NALCN: variants seen among roughly 807,000 people sequenced by gnomAD.
NALCN encodes sodium leak channel NALCN.
A neutral mutation model predicts 225.3 loss-of-function variants in NALCN; 111 were observed. The ratio of observed to expected loss-of-function variants is 0.49; its 90% CI spans 0.42 to 0.58. The LOEUF (loss-of-function observed/expected upper bound fraction) is 0.58. Ranked by LOEUF, NALCN falls within the 20% of genes least tolerant of loss-of-function variation. NALCN has a pLI of 0.00. For missense variants in NALCN, 1,378 were observed against 2,202.4 expected (o/e 0.63, Z 7.49); for synonymous variants, 764 against 769.0 (o/e 0.99, Z 0.11).
chr13:101,272,896 C>T (rs1368493733), intron 10 of NALCN, among the ~76,000 whole-genome samples: 6 of 152,092 alleles, frequency 3.9e-5, no homozygotes. Context: ...ATCACACAGG[C>T]CACCTCCCCT....
At chr13:101,309,009 C>T (rs2044248190) in intron 7 of NALCN, among the ~76,000 whole-genome samples, 2 of 152,048 alleles carry the variant, frequency 1.3e-5, no homozygotes, top group Non-Finnish European at 1.5e-5. Flanking sequence ...TTGAAATGTT[C>T]AAAGGAGATA....
chr13:101,201,756 G>A (rs1344842240), intron 13 of NALCN, among the ~76,000 whole-genome samples: 1 of 151,842 alleles, frequency 6.6e-6, no homozygotes, highest in Non-Finnish European at 1.5e-5. Flanking sequence ...AATACAACTC[G>A]TATCATCCAC....
At chr13:101,208,234 C>T (rs866610627) in intron 13 of NALCN, among the ~76,000 whole-genome samples, 1 of 152,114 alleles carries the variant, frequency 6.6e-6, no homozygotes, top group Non-Finnish European at 1.5e-5. Context: ...CAAACAACTC[C>T]AGATGTGCCA....
intron 33 of NALCN, 62 bp from the exon 34 acceptor site, chr13:101,081,708 T>G: frequency 6.4e-7 from 1 of 1,573,078 alleles, no homozygotes; most frequent in Non-Finnish European, 8.7e-7. Context: ...TTAAATGTAT[T>G]AACTTGAGAT....
rs775073645 is a variant in NALCN at position 101,104,962 on chromosome 13, C to A, written c.2580-12G>T. The A allele has an allele frequency of 1.2e-6, 2 of 1,611,362 alleles. No individual in the cohort carries two copies. Among genetic ancestry groups the A allele is most frequent in the South Asian group, 2.2e-5 (2 of 90,890 alleles). On this transcript the variant is annotated splice_polypyrimidine_tract_variant and intron_variant, in intron 22 of 43. Coordinates refer to ENST00000251127, the MANE Select transcript of NALCN (RefSeq NM_052867.4). This position sits in a 1 kb window ranked among gnomAD's most constrained non-coding sequence, Gnocchi z 4.2. ...GGTCTGTTTTAGATCTGTAAGAGAA[C>A]ACATATATAAAATTCTGCAACAAAG...
At chr13:101,247,975 G>A (rs2041950764) in intron 11 of NALCN, among the ~76,000 whole-genome samples, 1 of 152,152 alleles carries the variant, frequency 6.6e-6, no homozygotes, top group Non-Finnish European at 1.5e-5. Flanking sequence ...ATCTATCCAT[G>A]TCCCTGCAAA....
In NALCN at chr13:101,103,761, T is replaced by C. The variant is rs188915035; in HGVS notation, c.2890-422A>G. Among the ~76,000 whole-genome samples the C allele has an allele frequency of 3.3e-5, 5 of 152,328 alleles. No homozygotes were observed. In the East Asian group the frequency reaches 7.7e-4, roughly 24 times the overall value. Reference sequence around the variant, plus strand: ...CAAAGACATTGATTTCATGCCTCCTTGGACATACAGGAAAAATAAAAAATT... The same window carrying C: ...CAAAGACATTGATTTCATGCCTCCTCGGACATACAGGAAAAATAAAAAATT... On this transcript the variant is annotated intron_variant, in intron 25 of 43. Coordinates refer to ENST00000251127, the MANE Select transcript of NALCN (RefSeq NM_052867.4).
At chr13:101,358,879 A>G (rs146953286) in intron 6 of NALCN, among the ~76,000 whole-genome samples, 10,792 of 152,222 alleles carry the variant, frequency 0.071, 1,262 homozygotes, top group African/African-American at 0.24. Context: ...AAGAAATGAG[A>G]TCATATCCTT....
At chr13:101,355,275 C>T (rs2139339401) in intron 6 of NALCN, among the ~76,000 whole-genome samples, 1 of 151,808 alleles carries the variant, frequency 6.6e-6, no homozygotes, top group Admixed American at 6.6e-5. Flanking sequence ...AGTTAAGATC[C>T]ATTGGTATGC....
intron 17 of NALCN, among the ~76,000 whole-genome samples, chr13:101,125,796 G>A (rs2036200553): frequency 6.6e-6 from 1 of 152,158 alleles, no homozygotes; most frequent in African/African-American, 2.4e-5. Flanking sequence ...AGGCAAAGGC[G>A]GTACTGGGTG....
Position 101,143,425 on chromosome 13 carries a change from C to T in NALCN, c.1977-204G>A, listed in dbSNP as rs375712768. On this transcript the variant is annotated intron_variant, in intron 16 of 43. Transcript: ENST00000251127. ...TTAAAAAGCAATATCCTTGAAATAA[C>T]TTTCAAGCAATATTACTCAGTAACC... Among the ~76,000 whole-genome samples, 54 of 152,120 alleles carry T rather than the reference C, an allele frequency of 3.5e-4. 1 individual carries two copies. In the South Asian group the frequency reaches 0.011, roughly 30 times the overall value.
At chr13:101,406,220 G>GGA (rs1401568643) in intron 1 of NALCN, among the ~76,000 whole-genome samples, 4 of 151,874 alleles carry the variant, frequency 2.6e-5, no homozygotes, top group Non-Finnish European at 5.9e-5. Flanking sequence ...CAGCTACTCA[G>GGA]GAGTCTGAGG....
chr13:101,286,669 T>G (rs2043348545), intron 9 of NALCN, among the ~76,000 whole-genome samples: 1 of 152,188 alleles, frequency 6.6e-6, no homozygotes, highest in Non-Finnish European at 1.5e-5. Flanking sequence ...ACTTAACTAG[T>G]ATACGTGGTT....
intron 7 of NALCN, among the ~76,000 whole-genome samples, chr13:101,333,401 A>G (rs192674238): frequency 2.0e-5 from 3 of 152,348 alleles, no homozygotes; most frequent in African/African-American, 7.2e-5. Context: ...TTATGATTCC[A>G]GAATCCCAAG....
intron 3 of NALCN, among the ~76,000 whole-genome samples, chr13:101,380,319 A>G (rs889679442): frequency 1.3e-5 from 2 of 152,190 alleles, no homozygotes; most frequent in African/African-American, 2.4e-5. Context: ...TTGCATATGT[A>G]AAAGAAAGAT....
At chr13:101,254,595 G>A (rs1408929184) in intron 11 of NALCN, among the ~76,000 whole-genome samples, 1 of 151,730 alleles carries the variant, frequency 6.6e-6, no homozygotes, top group Non-Finnish European at 1.5e-5. Flanking sequence ...GCTTTGTTAA[G>A]AATGAATGAC....
chr13:101,364,030 A>AC (rs1416922400), intron 6 of NALCN, among the ~76,000 whole-genome samples: 1 of 152,160 alleles, frequency 6.6e-6, no homozygotes, highest in Non-Finnish European at 1.5e-5. Flanking sequence ...CTACAGTGAA[A>AC]TATCATGTCA....
chr13:101,077,646 A>G (rs995863814), intron 34 of NALCN, among the ~76,000 whole-genome samples: 17 of 152,392 alleles, frequency 1.1e-4, no homozygotes, highest in African/African-American at 4.1e-4. Context: ...TAAGTGACAC[A>G]GTGTTCAAGA....
intron 11 of NALCN, among the ~76,000 whole-genome samples, chr13:101,255,082 T>G (rs2042186739): frequency 6.6e-6 from 1 of 152,026 alleles, no homozygotes; most frequent in Non-Finnish European, 1.5e-5. Flanking sequence ...GGACAACAAT[T>G]ATTGGACACA....
Sources: allele counts gnomAD v4.1 joint callset (sites outside exome capture counted in the v4.1 genomes callset), GRCh38; gene constraint gnomAD v4.1.1; non-coding constraint Gnocchi (gnomAD v3.1); transcripts MANE v1.5; gene names NCBI Gene and HGNC (gene_info 2026-07-23, HGNC 2026-07-21).